Variants in ASXL3 observed in about 807,000 individuals in gnomAD.
The protein encoded by ASXL3 is putative Polycomb group protein ASXL3.
ASXL3 carries 34 observed loss-of-function variants against 170.6 expected under a neutral mutation model. That is an observed-to-expected ratio of 0.20 (90% CI 0.15 to 0.27). The LOEUF (loss-of-function observed/expected upper bound fraction) is 0.27. Among genes scored for constraint, ASXL3 ranks in the 10% least tolerant of loss-of-function variants. ASXL3 has a pLI of 1.00. For synonymous variants in ASXL3, 1,002 were observed against 989.1 expected (o/e 1.01, Z -0.24); for missense variants, 2,592 against 2,695.3 (o/e 0.96, Z 0.85).
intron 11 of ASXL3, 39 bp downstream of exon 11, chr18:33,740,482 G>C: frequency 6.8e-7 from 1 of 1,471,094 alleles, no homozygotes; most frequent in Non-Finnish European, 9.0e-7. Flanking sequence ...TCCGTAGATA[G>C]GCTTTTCCTA....
chr18:33,638,132 A>AGT (rs1568296093), intron 2 of ASXL3, among the ~76,000 whole-genome samples: 1 of 144,208 alleles, frequency 6.9e-6, no homozygotes, highest in African/African-American at 2.8e-5. Flanking sequence ...GCATGTGTAT[A>AGT]GTATATATAT....
intron 8 of ASXL3, among the ~76,000 whole-genome samples, chr18:33,687,837 T>G (rs2066621752): frequency 6.6e-6 from 1 of 152,216 alleles, no homozygotes; most frequent in Non-Finnish European, 1.5e-5. Flanking sequence ...AACTCAAAGA[T>G]TTTTAAGTCA....
rs2067586844 is a variant in ASXL3, at chr18:33,738,506, G to A, written c.1102G>A (p.Glu368Lys). Reference protein sequence around the residue: ...YGEKLGMSREESVKLTTGPNN... With the variant: ...YGEKLGMSREKSVKLTTGPNN... ...GTACAGGCTGGGCATGTCAAGAGAGGAATCTGTGAAGCTCACTACTGGACC... is the reference window on the plus strand; with the variant it reads ...GTACAGGCTGGGCATGTCAAGAGAGAAATCTGTGAAGCTCACTACTGGACC... The change falls in exon 11 of 12, where the codon GAA becomes AAA. Residue 368 changes from glutamate (E) to lysine (K), a missense_variant. Physicochemically the swap from Glu to Lys is moderately conservative, Grantham distance 56. Around this residue, in one of 4 missense-constraint regions of ASXL3, gnomAD observed 2,246 missense variants for 2,219.6 expected, o/e 1.01. Coordinates refer to ENST00000269197, the MANE Select transcript of ASXL3 (RefSeq NM_030632.3). The A allele has an allele frequency of 6.2e-7, 1 of 1,609,966 alleles. No individual in the cohort carries two copies.
At chr18:33,705,777 T>G (rs1447208713) in intron 8 of ASXL3, among the ~76,000 whole-genome samples, 1 of 151,968 alleles carries the variant, frequency 6.6e-6, no homozygotes, top group Non-Finnish European at 1.5e-5. Context: ...TACAGATAAG[T>G]GCCCACCTGA....
At chr18:33,630,965 C>A (rs1191036510) in intron 2 of ASXL3, among the ~76,000 whole-genome samples, 1 of 151,226 alleles carries the variant, frequency 6.6e-6, no homozygotes, top group South Asian at 2.1e-4. Flanking sequence ...AAAGTCATAC[C>A]AATAGAAAAA....
chr18:33,691,287 C>T (rs1414316121), intron 8 of ASXL3, among the ~76,000 whole-genome samples: 1 of 152,136 alleles, frequency 6.6e-6, no homozygotes, highest in East Asian at 1.9e-4. Context: ...TCCCTTCACA[C>T]TTCAGGTCAC....
intron 2 of ASXL3, among the ~76,000 whole-genome samples, chr18:33,629,025 G>A (rs919348323): frequency 6.6e-6 from 1 of 152,054 alleles, no homozygotes; most frequent in Non-Finnish European, 1.5e-5. Flanking sequence ...ACACTAGAAA[G>A]GTTAAAGCTG....
chr18:33,680,688 AC>A (rs569273649), intron 7 of ASXL3, among the ~76,000 whole-genome samples: 85 of 152,128 alleles, frequency 5.6e-4, no homozygotes, highest in African/African-American at 1.5e-3. Flanking sequence ...TTCCTTATAC[AC>A]TTAAGGAATG....
intron 10 of ASXL3, among the ~76,000 whole-genome samples, chr18:33,736,328 C>A (rs74896925): frequency 0.019 from 2,941 of 151,920 alleles, 104 homozygotes; most frequent in African/African-American, 0.068. Flanking sequence ...GAATACAAAG[C>A]ATGCTTCTAC....
At chr18:33,668,099 A>G (rs766349130) in intron 5 of ASXL3, among the ~76,000 whole-genome samples, 4 of 152,254 alleles carry the variant, frequency 2.6e-5, no homozygotes, top group East Asian at 3.9e-4. Context: ...ATCTTTCTCT[A>G]CAACTCCTTA....
Position 33,733,863 on chromosome 18 carries a change from C to T in ASXL3, c.977-447C>T, listed in dbSNP as rs114400379. Among the ~76,000 whole-genome samples the T allele has an allele frequency of 4.5e-3, 679 of 152,246 alleles. 3 individuals are homozygous for T. The highest frequency in any genetic ancestry group is 0.015 in the African/African-American group (633 of 41,558). On this transcript the variant is annotated intron_variant, in intron 9 of 11. Transcript: ENST00000269197. The stretch of plus-strand genomic sequence containing the variant: ...GAATCAGCTCCTATATGTGGTCCTC[C>T]TTAATCGACCTAGGCAGAATTAAGC...
chr18:33,684,189 A>G (rs2145287362), intron 8 of ASXL3, among the ~76,000 whole-genome samples: 1 of 152,294 alleles, frequency 6.6e-6, no homozygotes, highest in African/African-American at 2.4e-5. Context: ...AAAGAAAAGG[A>G]AAAAAATTTT....
chr18:33,744,268 A>G lies in ASXL3; in HGVS notation c.4420A>G (p.Ile1474Val), dbSNP rs1322911634. The G allele has an allele frequency of 6.2e-7, 1 of 1,614,048 alleles. No homozygotes were observed. Among genetic ancestry groups the G allele is most frequent in the Non-Finnish European group, 8.5e-7 (1 of 1,179,898 alleles). ...AINRSIPCKV[I>V]VDHSTTLTSS... ...AAACCGATCAATTCCGTGTAAAGTC[A>G]TCGTTGACCACAGCACCACGCTGAC... Residue 1474 changes from isoleucine (I) to valine (V), a missense_variant, in exon 12 of 12, where the codon ATC (isoleucine) becomes GTC (valine). By Grantham distance (29) the Ile-to-Val change is conservative. Coordinates refer to ENST00000269197, the MANE Select transcript of ASXL3 (RefSeq NM_030632.3).
chr18:33,584,626 G>GA (rs200532378), intron 1 of ASXL3, among the ~76,000 whole-genome samples: 41 of 150,566 alleles, frequency 2.7e-4, no homozygotes, highest in Middle Eastern at 3.4e-3. Context: ...GAGGCAAAGT[G>GA]AAAAAAAAAT....
At chr18:33,733,235 C>T (rs748537041) in intron 9 of ASXL3, among the ~76,000 whole-genome samples, 1 of 152,212 alleles carries the variant, frequency 6.6e-6, no homozygotes, top group South Asian at 2.1e-4. Flanking sequence ...GTTTTATTTT[C>T]AAATGCTTAG....
intron 8 of ASXL3, among the ~76,000 whole-genome samples, chr18:33,702,587 CAGAG>C (rs1163337564): frequency 2.0e-5 from 3 of 152,096 alleles, no homozygotes; most frequent in Admixed American, 6.6e-5. Flanking sequence ...TCCTCAGAGA[CAGAG>C]AGTATTTCTT....
chr18:33,655,900 A>G (rs1211286989), intron 4 of ASXL3, among the ~76,000 whole-genome samples: 1 of 152,080 alleles, frequency 6.6e-6, no homozygotes, highest in Non-Finnish European at 1.5e-5. Context: ...TTTCATCGGT[A>G]GTTCTCCTCA....
chr18:33,682,477 G>C (rs1422103139), intron 7 of ASXL3, among the ~76,000 whole-genome samples: 1 of 152,126 alleles, frequency 6.6e-6, no homozygotes, highest in East Asian at 1.9e-4. Context: ...TTCTGTTGGA[G>C]GTCAGTGTGC....
intron 1 of ASXL3, among the ~76,000 whole-genome samples, chr18:33,594,124 T>G (rs2065103605): frequency 6.6e-6 from 1 of 152,186 alleles, no homozygotes; most frequent in Non-Finnish European, 1.5e-5. Flanking sequence ...CTTGTGGGCT[T>G]AAATCCTACT....
Sources: allele counts gnomAD v4.1 joint callset (sites outside exome capture counted in the v4.1 genomes callset), GRCh38; gene constraint gnomAD v4.1.1; regional missense constraint gnomAD v4.1.1; transcripts MANE v1.5; gene names NCBI Gene and HGNC (gene_info 2026-07-23, HGNC 2026-07-21).